The following ARID4B variants were observed in gnomAD, a reference collection of about 807,000 sequenced individuals.
The protein encoded by ARID4B is AT-rich interactive domain-containing protein 4B.
In ARID4B, 26 loss-of-function variants were observed where a neutral mutation model predicts 147.5. The ratio of observed to expected loss-of-function variants is 0.18; its 90% CI spans 0.13 to 0.24. The LOEUF is 0.24. Among genes scored for constraint, ARID4B ranks in the 10% least tolerant of loss-of-function variants. The pLI, the probability that ARID4B is intolerant of heterozygous loss-of-function variation, is 1.00. For synonymous variants in ARID4B, 512 were observed against 507.9 expected (o/e 1.01, Z -0.11); for missense variants, 1,179 against 1,511.5 (o/e 0.78, Z 3.65).
At chr1:235,322,644 G>T (rs1352946506) in intron 2 of ARID4B, among the ~76,000 whole-genome samples, 1 of 152,156 alleles carries the variant, frequency 6.6e-6, no homozygotes, top group African/African-American at 2.4e-5. Context: ...CTCATAAATA[G>T]ATATGCTAGG....
intron 2 of ARID4B, among the ~76,000 whole-genome samples, chr1:235,305,376 A>AAC (rs1558298600): frequency 6.6e-6 from 1 of 152,160 alleles, no homozygotes; most frequent in Admixed American, 6.5e-5. Flanking sequence ...CACACATAAA[A>AAC]ACACACATAC....
chr1:235,311,075 C>G lies in ARID4B; in HGVS notation c.6+15839G>C, dbSNP rs1304454420. On this transcript the variant is annotated intron_variant, in intron 2 of 23. Coordinates refer to ENST00000264183, the MANE Select transcript of ARID4B (RefSeq NM_016374.6). ...ACAGGGATGCTCCCTCACTAATCCTCATAGATTACCTTTTAGTAACAATGT... is the reference window on the plus strand; with the variant it reads ...ACAGGGATGCTCCCTCACTAATCCTGATAGATTACCTTTTAGTAACAATGT... Among the ~76,000 whole-genome samples, 3 of 152,124 alleles carry G rather than the reference C, an allele frequency of 2.0e-5. No individual in the cohort carries two copies. The East Asian group carries it at 5.8e-4, about 29-fold the overall frequency.
At chr1:235,267,797 G>A (rs12047352) in intron 2 of ARID4B, among the ~76,000 whole-genome samples, 22,928 of 152,014 alleles carry the variant, frequency 0.15, 2,485 homozygotes, top group East Asian at 0.61. Context: ...CCAGCTACTC[G>A]GGAGGCTGAG....
chr1:235,260,237 G>C (rs936194547), intron 3 of ARID4B, among the ~76,000 whole-genome samples: 1 of 152,164 alleles, frequency 6.6e-6, no homozygotes, highest in African/African-American at 2.4e-5. Context: ...CTGAAATAGA[G>C]GGGGTGATGC....
chr1:235,227,246 A>C (rs1381904294), intron 11 of ARID4B, among the ~76,000 whole-genome samples: 1 of 152,208 alleles, frequency 6.6e-6, no homozygotes, highest in African/African-American at 2.4e-5. Flanking sequence ...GATGAGAAAA[A>C]ATTGAGGCAG....
At chr1:235,199,933 G>A (rs375203096) in intron 17 of ARID4B, among the ~76,000 whole-genome samples, 2 of 149,408 alleles carry the variant, frequency 1.3e-5, no homozygotes, top group African/African-American at 4.9e-5. Flanking sequence ...TTCCGTATAT[G>A]TAATTACCCA....
At chr1:235,281,475 CAA>C (rs35858934) in intron 2 of ARID4B, among the ~76,000 whole-genome samples, 43,679 of 151,822 alleles carry the variant, frequency 0.29, 7,458 homozygotes, top group South Asian at 0.53. Flanking sequence ...CGATTGAACC[CAA>C]GAGGCAGAGG....
At chr1:235,221,886 A>ATTTTTTTTTTTTTT (rs768600040) in intron 13 of ARID4B, among the ~76,000 whole-genome samples, 10 of 53,656 alleles carry the variant, frequency 1.9e-4, no homozygotes, top group East Asian at 7.3e-4. Context: ...TCATTTGACT[A>ATTTTTTTTTTTTTT]TTTTTTTTTT....
intron 2 of ARID4B, 70 bp downstream of exon 2, chr1:235,326,844 G>A: frequency 6.3e-7 from 1 of 1,585,900 alleles, no homozygotes; most frequent in East Asian, 2.2e-5. Flanking sequence ...CCCACACGAC[G>A]ACCTCGTCGA....
chr1:235,302,180 G>GAAAAAAA (rs1673214959), intron 2 of ARID4B, among the ~76,000 whole-genome samples: 1 of 39,692 alleles, frequency 2.5e-5, no homozygotes, highest in Non-Finnish European at 4.8e-5. Flanking sequence ...AAAAAAAACA[G>GAAAAAAA]CAAAAAAAAA....
At chr1:235,243,734 G>A (rs965318680) in intron 7 of ARID4B, among the ~76,000 whole-genome samples, 6 of 152,044 alleles carry the variant, frequency 3.9e-5, no homozygotes, top group African/African-American at 1.2e-4. Flanking sequence ...TTTATTTTAG[G>A]CAAATCAGTT....
intron 2 of ARID4B, among the ~76,000 whole-genome samples, chr1:235,288,490 ACTGT>A (rs1451673091): frequency 6.6e-6 from 1 of 152,218 alleles, no homozygotes; most frequent in Admixed American, 6.5e-5. Context: ...CATTTAATAT[ACTGT>A]CTTTCAACTT....
chr1:235,286,507 G>A (rs1370911577), intron 2 of ARID4B, among the ~76,000 whole-genome samples: 1 of 152,180 alleles, frequency 6.6e-6, no homozygotes, highest in Non-Finnish European at 1.5e-5. Context: ...AGAGGAGCAC[G>A]AAGAAGGACG....
chr1:235,215,026 G>C (rs1479538309), intron 16 of ARID4B, among the ~76,000 whole-genome samples: 1 of 151,516 alleles, frequency 6.6e-6, no homozygotes, highest in East Asian at 1.9e-4. Flanking sequence ...TGTATTTTTA[G>C]TAGTGACAGG....
chr1:235,223,580 G>A (rs1311878488), intron 12 of ARID4B, among the ~76,000 whole-genome samples: 2 of 149,954 alleles, frequency 1.3e-5, no homozygotes, highest in Non-Finnish European at 3.0e-5. Flanking sequence ...GCTGAGGGAA[G>A]AAATACTAGA....
At chr1:235,226,148 T>C (rs1406765974) in intron 11 of ARID4B, among the ~76,000 whole-genome samples, 2 of 152,222 alleles carry the variant, frequency 1.3e-5, no homozygotes, top group African/African-American at 4.8e-5. Context: ...GATTTGCTTT[T>C]ACAAAAACAC....
chr1:235,308,151 G>A (rs1673714061), intron 2 of ARID4B, among the ~76,000 whole-genome samples: 1 of 143,868 alleles, frequency 7.0e-6, no homozygotes, highest in South Asian at 2.2e-4. Context: ...CCAGGCTAGA[G>A]TGCAGTGACC....
chr1:235,251,246 G>C (rs1168719783), intron 6 of ARID4B, among the ~76,000 whole-genome samples: 4 of 150,516 alleles, frequency 2.7e-5, no homozygotes, highest in Admixed American at 2.6e-4. Flanking sequence ...CCTAAAACAA[G>C]AATAAGCAAG....
In ARID4B at chr1:235,203,547, A is replaced by C. The variant is rs148998529; in HGVS notation, c.1842-7432T>G. On this transcript the variant is annotated intron_variant, in intron 17 of 23. Transcript: ENST00000264183. ...TGTATAGATAAGATAAAAATCTAAT[A>C]ACCAACCATTAAGTAAATGTTAAAA... Among the ~76,000 whole-genome samples, 665 of 152,312 alleles carry C rather than the reference A, an allele frequency of 4.4e-3. 4 individuals carry two copies. The highest frequency in any genetic ancestry group is 6.9e-3 in the Non-Finnish European group (468 of 68,004).
Sources: gnomAD v4.1 joint callset for allele counts (sites outside exome capture counted in the v4.1 genomes callset) on GRCh38, gnomAD v4.1.1 for gene constraint, MANE v1.5 for transcripts, NCBI Gene and HGNC (gene_info 2026-07-23, HGNC 2026-07-21) for gene names.